The following HTRA3 variants were observed in gnomAD, a reference collection of about 807,000 sequenced individuals.
HTRA3 encodes serine protease HTRA3.
Under a neutral mutation model 43.2 loss-of-function variants are expected in HTRA3, and 41 were observed. That is an observed-to-expected ratio of 0.95 (90% CI 0.74 to 1.23). The LOEUF is 1.23. HTRA3 is among the 50% of genes most tolerant of loss of function. The pLI is 0.00. For synonymous variants in HTRA3, 295 were observed against 287.9 expected (o/e 1.02, Z -0.25); for missense variants, 628 against 647.1 (o/e 0.97, Z 0.32).
intron 7 of HTRA3, among the ~76,000 whole-genome samples, chr4:8,303,802 ACG>A (rs202086976): frequency 5.4e-5 from 8 of 148,802 alleles, no homozygotes; most frequent in East Asian, 4.3e-4. Context: ...CATTGTCTGT[ACG>A]TTCCGTGACT....
rs1387872798 is a variant in HTRA3 at position 8,279,722 on chromosome 4, C to T, written c.386-2715C>T. Among the ~76,000 whole-genome samples the T allele has an allele frequency of 6.6e-6, 1 of 152,180 alleles. No homozygotes were observed. Among genetic ancestry groups the T allele is most frequent in the Non-Finnish European group, 1.5e-5 (1 of 68,024 alleles). On this transcript the variant is annotated intron_variant, in intron 1 of 8. Coordinates refer to ENST00000307358, the MANE Select transcript of HTRA3 (RefSeq NM_053044.5). The surrounding 1 kb of genome is among the most constrained non-coding windows in gnomAD (Gnocchi z 7.4). ...CCAGGTCCCTGTGTGCCGTGGCTGC[C>T]TGCACAGGCAATGCGGGCTCAGCCT...
Position 8,294,141 on chromosome 4 carries a change from G to A in HTRA3, c.991G>A (p.Ala331Thr). The change falls in exon 6 of 9, where the codon GCC becomes ACC. Residue 331 changes from alanine to threonine, a missense_variant. Coordinates refer to ENST00000307358, the MANE Select transcript of HTRA3 (RefSeq NM_053044.5). ...TLKVTAGISF[A>T]IPSDRITRFL... ...CAAGGTCACGGCTGGCATCTCCTTT[G>A]CCATCCCCTCAGACCGCATCACACG... The A allele has an allele frequency of 6.2e-7, 1 of 1,612,750 alleles. No homozygotes were observed. The highest frequency in any genetic ancestry group is 8.5e-7 in the Non-Finnish European group (1 of 1,179,414).
At chr4:8,288,891 TTCCGTCCG>T (rs368482280) in intron 3 of HTRA3, among the ~76,000 whole-genome samples, 3,533 of 88,034 alleles carry the variant, frequency 0.04, 323 homozygotes, top group Admixed American at 0.12. Context: ...CCTTCCTTCC[TTCCGTCCG>T]TCCTTCCTTC....
chr4:8,301,005 TTTA>T (rs1560143429), intron 6 of HTRA3, among the ~76,000 whole-genome samples: 2 of 151,564 alleles, frequency 1.3e-5, no homozygotes, highest in East Asian at 2.0e-4. Flanking sequence ...CACACTCATC[TTTA>T]TTGATTCACA....
intron 7 of HTRA3, among the ~76,000 whole-genome samples, chr4:8,302,723 A>G (rs925794016): frequency 6.6e-6 from 1 of 152,184 alleles, no homozygotes; most frequent in Non-Finnish European, 1.5e-5. Context: ...TCAGGACGCT[A>G]TCTCTTTCCA....
Position 8,295,712 on chromosome 4 carries a change from C to G in HTRA3, c.1051+1511C>G. 7.1e-7 allele frequency: 1 copy of G among 1,416,472 alleles called. No homozygotes were observed. The highest frequency in any genetic ancestry group is 9.2e-7 in the Non-Finnish European group (1 of 1,083,250). 87.7% of individuals were successfully genotyped at this position (1,416,472 alleles called of 1,614,324 possible). A position where few individuals can be genotyped will look rare whatever the true frequency, so the allele number is the denominator to read the frequency against. On this transcript the variant is annotated intron_variant, in intron 6 of 8. Transcript: ENST00000307358. The surrounding 1 kb of genome is among the most constrained non-coding windows in gnomAD (Gnocchi z 6.9). ...CCTCCCAGCCCCCTCACTGGCAGTT[C>G]ATTGAGAGCAGGGGGCTTCCTCACG... is the stretch of plus-strand genomic sequence containing the variant.
At chr4:8,270,707 C>G (rs1712235206) in intron 1 of HTRA3, among the ~76,000 whole-genome samples, 1 of 152,198 alleles carries the variant, frequency 6.6e-6, no homozygotes, top group Non-Finnish European at 1.5e-5. Context: ...GTGAAGGGCA[C>G]TCTTTCCTGC....
chr4:8,299,013 GA>G (rs1233834109), intron 6 of HTRA3, among the ~76,000 whole-genome samples: 1 of 152,166 alleles, frequency 6.6e-6, no homozygotes, highest in Non-Finnish European at 1.5e-5. Context: ...TCTACAAAAA[GA>G]AAAATAAAGC....
Position 8,270,030 on chromosome 4 carries a change from C to T in HTRA3, c.62C>T (p.Pro21Leu), listed in dbSNP as rs1179016788. The change falls in exon 1 of 9, where the codon CCT (proline) becomes CTT (leucine). Residue 21 changes from proline to leucine, a missense_variant. Physicochemically the swap from Pro to Leu is moderately conservative, Grantham distance 98 (BLOSUM62 -3). Coordinates refer to ENST00000307358, the MANE Select transcript of HTRA3 (RefSeq NM_053044.5). ...LAALALAREP[P>L]AAPCPARCDV... ...GCGCTGGCGCTGGCCCGGGAGCCCC[C>T]TGCGGCGCCGTGTCCCGCGCGCTGC... is the stretch of plus-strand genomic sequence containing the variant. The T allele has an allele frequency of 1.5e-6, 2 of 1,366,838 alleles. No homozygotes were observed. The highest frequency in any genetic ancestry group is 1.7e-5 in the South Asian group (1 of 58,576). The allele number at this position is 1,366,838 out of a possible 1,614,324, so 84.7% of individuals were successfully genotyped here.
At position 8,304,271 on chromosome 4, in the gene HTRA3, T is replaced by C. The variant is rs1713758726; in HGVS notation, c.1188T>C (p.Pro396=). 1.1e-5 allele frequency: 18 copies of C among 1,613,884 alleles called. No individual in the cohort carries two copies. Among genetic ancestry groups the C allele is most frequent in the Non-Finnish European group, 1.5e-5 (18 of 1,179,728 alleles). The part of the protein sequence containing the change: ...IYVQEVAPNS[P]SQRGGIQDGD... ...TGCAAGAGGTTGCGCCGAATTCACC[T>C]TCTCAGAGGTAGGCTCTGCCAGAGG... Residue 396 remains proline, a synonymous_variant, in exon 8 of 9, where the codon CCT becomes CCC. Transcript: ENST00000307358.
chr4:8,302,613 T>A, intron 7 of HTRA3, 102 bp downstream of exon 7: 1 of 1,146,454 alleles, frequency 8.7e-7, no homozygotes, highest in Non-Finnish European at 1.3e-6. Flanking sequence ...TCCTTGCAGG[T>A]GCCCAGACGG....
intron 1 of HTRA3, among the ~76,000 whole-genome samples, chr4:8,276,040 C>T (rs949479228): frequency 1.3e-5 from 2 of 152,186 alleles, no homozygotes; most frequent in Admixed American, 6.5e-5. Context: ...GGCGAGGACA[C>T]GTCCATATGT....
intron 1 of HTRA3, among the ~76,000 whole-genome samples, chr4:8,278,092 C>T (rs576660876): frequency 6.6e-6 from 1 of 152,276 alleles, no homozygotes; most frequent in South Asian, 2.1e-4. Flanking sequence ...CAAGGTATCC[C>T]CACAGAGTAT....
intron 8 of HTRA3, among the ~76,000 whole-genome samples, chr4:8,305,199 G>A (rs1472870200): frequency 2.0e-5 from 3 of 152,216 alleles, no homozygotes; most frequent in Admixed American, 1.3e-4. Flanking sequence ...TTCAAGGGCC[G>A]ACTGTACTGT....
intron 3 of HTRA3, among the ~76,000 whole-genome samples, chr4:8,290,328 T>C (rs576648188): frequency 6.6e-6 from 1 of 152,338 alleles, no homozygotes; most frequent in Non-Finnish European, 1.5e-5. Flanking sequence ...TGATGGTGTA[T>C]AATAAAAGGG....
rs1712969896 is a variant in HTRA3 at position 8,286,476 on chromosome 4, C to A, written c.486-85C>A. On this transcript the variant is annotated intron_variant, in intron 2 of 8. Transcript: ENST00000307358. This position sits in a 1 kb window ranked among gnomAD's most constrained non-coding sequence, Gnocchi z 4.9. Reference sequence around the variant, plus strand: ...TGTCAGCCACACACTGGCTCTGCTCCTCGCTGACCAGCCCCACCACTGCGC... The same window carrying A: ...TGTCAGCCACACACTGGCTCTGCTCATCGCTGACCAGCCCCACCACTGCGC... 3 of 1,085,292 alleles carry A rather than the reference C, an allele frequency of 2.8e-6. No homozygotes were observed. Among genetic ancestry groups the A allele is most frequent in the South Asian group, 1.4e-5 (1 of 72,712 alleles). The allele number at this position is 1,085,292 out of a possible 1,614,324, so 67.2% of individuals were successfully genotyped here. A position where few individuals can be genotyped will look rare whatever the true frequency, so the allele number is the denominator to read the frequency against.
chr4:8,293,539 G>A (rs544574522), intron 5 of HTRA3, among the ~76,000 whole-genome samples: 1 of 152,262 alleles, frequency 6.6e-6, no homozygotes, highest in South Asian at 2.1e-4. Context: ...TCCTTTCCAG[G>A]AGTGTGCCTG....
chr4:8,298,122 G>A (rs1373714331), intron 6 of HTRA3, among the ~76,000 whole-genome samples: 2 of 152,168 alleles, frequency 1.3e-5, no homozygotes, highest in African/African-American at 2.4e-5. Flanking sequence ...GGGCTCCTCC[G>A]GATGCTGCCC....
intron 3 of HTRA3, among the ~76,000 whole-genome samples, chr4:8,288,958 CT>C (rs1307693515): frequency 1.3e-3 from 174 of 130,382 alleles, no homozygotes; most frequent in Admixed American, 1.9e-3. Flanking sequence ...CTCTCTCTCT[CT>C]TTTTTTTTTT....
Sources: gnomAD v4.1 joint callset for allele counts (sites outside exome capture counted in the v4.1 genomes callset) on GRCh38, gnomAD v4.1.1 for gene constraint, Gnocchi (gnomAD v3.1) non-coding constraint, MANE v1.5 for transcripts, NCBI Gene and HGNC (gene_info 2026-07-23, HGNC 2026-07-21) for gene names.